Variants in PCDHGB6 observed in about 807,000 individuals in gnomAD.
The protein encoded by PCDHGB6 is protocadherin gamma-B6.
A neutral mutation model predicts 59.1 loss-of-function variants in PCDHGB6; 51 were observed. The observed-to-expected ratio is 0.86, with a 90% CI of 0.69 to 1.09. The LOEUF (loss-of-function observed/expected upper bound fraction) is 1.09. PCDHGB6 is among the 50% of genes least tolerant of loss of function. The pLI is 0.00. For missense variants in PCDHGB6, 1,148 were observed against 1,205.1 expected (o/e 0.95, Z 0.70); for synonymous variants, 466 against 495.1 (o/e 0.94, Z 0.78).
intron 2 of PCDHGB6, among the ~76,000 whole-genome samples, chr5:141,504,178 A>C (rs572543892): frequency 4.5e-4 from 69 of 152,366 alleles, no homozygotes; most frequent in Non-Finnish European, 7.6e-4. Context: ...AAATTCAAAA[A>C]AATCATGAAA....
At chr5:141,474,754 T>C (rs1351752958) in intron 1 of PCDHGB6, among the ~76,000 whole-genome samples, 4 of 152,228 alleles carry the variant, frequency 2.6e-5, no homozygotes, top group Non-Finnish European at 4.4e-5. Flanking sequence ...CCAAGACAAA[T>C]ATACAGAAAT....
At chr5:141,443,050 T>C (rs1290373918) in intron 1 of PCDHGB6, among the ~76,000 whole-genome samples, 1 of 152,236 alleles carries the variant, frequency 6.6e-6, no homozygotes, top group Non-Finnish European at 1.5e-5. Flanking sequence ...AAAATTATTG[T>C]TCCACTGAAG....
rs1191565539 is a variant in PCDHGB6, at chr5:141,408,114, C to T, written c.-89C>T. The stretch of plus-strand genomic sequence containing the variant: ...GCCAGCTCCGAGACCCGGGACTCCT[C>T]CTGTCCTGGGCCGAATGCTCTTTTA... On this transcript the variant is annotated 5_prime_UTR_variant, in exon 1 of 4. Coordinates refer to ENST00000520790, the MANE Select transcript of PCDHGB6 (RefSeq NM_018926.3). 5.5e-6 allele frequency: 8 copies of T among 1,460,968 alleles called. No individual in the cohort carries two copies. Among genetic ancestry groups the T allele is most frequent in the South Asian group, 1.4e-5 (1 of 70,090 alleles). 90.5% of individuals were successfully genotyped at this position (1,460,968 alleles called of 1,614,324 possible).
At chr5:141,453,451 T>C (rs1052905667) in intron 1 of PCDHGB6, among the ~76,000 whole-genome samples, 1 of 152,096 alleles carries the variant, frequency 6.6e-6, no homozygotes, top group Non-Finnish European at 1.5e-5. Flanking sequence ...TTTTTGAATA[T>C]GTAAAACATT....
At chr5:141,463,493 G>C (rs2099061978) in intron 1 of PCDHGB6, among the ~76,000 whole-genome samples, 1 of 128,844 alleles carries the variant, frequency 7.8e-6, no homozygotes, top group Admixed American at 9.6e-5. Flanking sequence ...CTGTCACCCA[G>C]GCTGGAGTGA....
intron 1 of PCDHGB6, among the ~76,000 whole-genome samples, chr5:141,450,379 A>C (rs1269979263): frequency 6.6e-6 from 1 of 152,144 alleles, no homozygotes; most frequent in Non-Finnish European, 1.5e-5. Flanking sequence ...GTTTATATGA[A>C]ACTGACATTT....
In PCDHGB6 at chr5:141,487,954, T is replaced by C. The variant is rs2099669751; in HGVS notation, c.2419-6853T>C. On this transcript the variant is annotated intron_variant, in intron 1 of 3. Transcript: ENST00000520790. The surrounding 1 kb of genome is among the most constrained non-coding windows in gnomAD (Gnocchi z 5.0). ...GGGTACAGTGCACCAGGCAGTCACTTGGACAAAGGTGGCTGTTTTCTCTAC... is the reference window on the plus strand; with the variant it reads ...GGGTACAGTGCACCAGGCAGTCACTCGGACAAAGGTGGCTGTTTTCTCTAC... Among the ~76,000 whole-genome samples the C allele has an allele frequency of 6.6e-6, 1 of 152,182 alleles. No homozygotes were observed. The highest frequency in any genetic ancestry group is 1.5e-5 in the Non-Finnish European group (1 of 68,020).
Position 141,431,363 on chromosome 5 carries a change from C to A in PCDHGB6, c.2418+20743C>A. ...ATTGGTGCTGAAACGCGCCCTGGAC[C>A]GCGAAGAAAAGGCTGCTCACCACCT... On this transcript the variant is annotated intron_variant, in intron 1 of 3. Transcript: ENST00000520790. The surrounding 1 kb of genome is among the most constrained non-coding windows in gnomAD (Gnocchi z 4.8). 1 of 1,614,024 alleles carries A rather than the reference C, an allele frequency of 6.2e-7. No homozygotes were observed. Among genetic ancestry groups the A allele is most frequent in the Non-Finnish European group, 8.5e-7 (1 of 1,180,028 alleles).
At chr5:141,426,442 G>A (rs1205822455) in intron 1 of PCDHGB6, 9 of 306,752 alleles carry the variant, frequency 2.9e-5, no homozygotes, top group African/African-American at 4.3e-5. Context: ...CCTTGCGGAG[G>A]ACATGCGGCT....
At chr5:141,417,129 T>C (rs887933624) in intron 1 of PCDHGB6, 2 of 152,218 alleles carry the variant, frequency 1.3e-5, no homozygotes, top group South Asian at 2.1e-4. Context: ...TGGATGATGG[T>C]AATGACTAGG....
intron 1 of PCDHGB6, chr5:141,418,849 G>T (rs1479117344): frequency 1.5e-5 from 25 of 1,613,886 alleles, no homozygotes; most frequent in Non-Finnish European, 1.8e-5. Context: ...TCTCAACACG[G>T]TGTAAAGTAA....
At position 141,408,833 on chromosome 5, in the gene PCDHGB6, A is replaced by G; in HGVS notation, c.631A>G (p.Ile211Val). ...DREEQRSHSL[I>V]LTALDGGDPP... ...GGAAGAACAGAGATCTCATAGCTTGATATTGACTGCCTTGGACGGAGGGGA... is the reference window on the plus strand; with the variant it reads ...GGAAGAACAGAGATCTCATAGCTTGGTATTGACTGCCTTGGACGGAGGGGA... Residue 211 changes from isoleucine to valine, a missense_variant, in exon 1 of 4, where the codon ATA becomes GTA. By Grantham distance (29) the Ile-to-Val change is conservative (BLOSUM62 3). Coordinates refer to ENST00000520790, the MANE Select transcript of PCDHGB6 (RefSeq NM_018926.3). The G allele has an allele frequency of 6.2e-7, 1 of 1,613,704 alleles. No individual in the cohort carries two copies. Among genetic ancestry groups the G allele is most frequent in the Non-Finnish European group, 8.5e-7 (1 of 1,179,810 alleles).
At chr5:141,412,931 T>A in intron 1 of PCDHGB6, 1 of 453,226 alleles carries the variant, frequency 2.2e-6, no homozygotes, top group Non-Finnish European at 3.9e-6. Context: ...CAGTAACTTC[T>A]TAGGACTCTG....
At chr5:141,417,646 C>A in intron 1 of PCDHGB6, 2 of 797,870 alleles carry the variant, frequency 2.5e-6, no homozygotes, top group Non-Finnish European at 3.8e-6. Context: ...GATCCCTCAG[C>A]CTCTAGCCTG....
Position 141,418,471 on chromosome 5 carries a change from G to T in PCDHGB6, c.2418+7851G>T, listed in dbSNP as rs199547102. 57 of 1,614,002 alleles carry T rather than the reference G, an allele frequency of 3.5e-5. No homozygotes were observed. In the African/African-American group the frequency reaches 5.7e-4, roughly 16 times the overall value. ...TGCAGAAGACTCTGGACCGAGAAACGCAGAGCGCTCACCACTTGGTACTGA... is the reference window on the plus strand; with the variant it reads ...TGCAGAAGACTCTGGACCGAGAAACTCAGAGCGCTCACCACTTGGTACTGA... On this transcript the variant is annotated intron_variant, in intron 1 of 3. Coordinates refer to ENST00000520790, the MANE Select transcript of PCDHGB6 (RefSeq NM_018926.3).
At chr5:141,434,338 G>A (rs1037038534) in intron 1 of PCDHGB6, among the ~76,000 whole-genome samples, 5 of 152,086 alleles carry the variant, frequency 3.3e-5, no homozygotes, top group East Asian at 1.9e-4. Context: ...TCTTTGTGTC[G>A]GGAACAGGCC....
At position 141,408,409 on chromosome 5, in the gene PCDHGB6, C is replaced by G. The variant is rs780778580; in HGVS notation, c.207C>G (p.Ser69Arg). The change falls in exon 1 of 4, where the codon AGC (serine) becomes AGG (arginine). Residue 69 changes from serine (S) to arginine (R), a missense_variant. Around this residue, in one of 5 missense-constraint regions of PCDHGB6, gnomAD observed 307 missense variants for 323.8 expected, o/e 0.95. Coordinates refer to ENST00000520790, the MANE Select transcript of PCDHGB6 (RefSeq NM_018926.3). ...TGTCGGCTCGCAAGCTGCGAGTGAGCGCGGAGAAGCTGCACTTCAGCGTAG... is the reference window on the plus strand; with the variant it reads ...TGTCGGCTCGCAAGCTGCGAGTGAGGGCGGAGAAGCTGCACTTCAGCGTAG... ...LDVSARKLRV[S>R]AEKLHFSVDA... is the part of the protein sequence containing the mutation. 3.1e-6 allele frequency: 5 copies of G among 1,613,884 alleles called. No individual in the cohort carries two copies. In the East Asian group the frequency reaches 1.1e-4, roughly 36 times the overall value.
chr5:141,454,917 C>T (rs1185153715), intron 1 of PCDHGB6, among the ~76,000 whole-genome samples: 1 of 149,330 alleles, frequency 6.7e-6, no homozygotes, highest in Non-Finnish European at 1.5e-5. Flanking sequence ...ACGCCATTCT[C>T]CTGCCTCAGC....
Position 141,491,793 on chromosome 5 carries a change from C to A in PCDHGB6, c.2419-3014C>A. 6.6e-7 allele frequency: 1 copy of A among 1,511,410 alleles called. No homozygotes were observed. The highest frequency in any genetic ancestry group is 1.3e-5 in the South Asian group (1 of 77,572). The allele number at this position is 1,511,410 out of a possible 1,614,324, so 93.6% of individuals were successfully genotyped here. On this transcript the variant is annotated intron_variant, in intron 1 of 3. Coordinates refer to ENST00000520790, the MANE Select transcript of PCDHGB6 (RefSeq NM_018926.3). This position sits in a 1 kb window ranked among gnomAD's most constrained non-coding sequence, Gnocchi z 6.9. ...AGGGATTGAACTTGCATCCACTCCT[C>A]TCCGGCCGGCTTGGTCGCTGGCTGC...
Sources: allele counts gnomAD v4.1 joint callset (sites outside exome capture counted in the v4.1 genomes callset), GRCh38; gene constraint gnomAD v4.1.1; regional missense constraint gnomAD v4.1.1; non-coding constraint Gnocchi (gnomAD v3.1); transcripts MANE v1.5; gene names NCBI Gene and HGNC (gene_info 2026-07-23, HGNC 2026-07-21).